The following IGF2R variants were observed in gnomAD, a reference collection of about 807,000 sequenced individuals.
IGF2R encodes the protein insulin like growth factor 2 receptor.
IGF2R carries 91 observed loss-of-function variants against 270.6 expected under a neutral mutation model. The observed-to-expected ratio is 0.34, with a 90% confidence interval of 0.28 to 0.40. IGF2R has a LOEUF of 0.40. IGF2R is among the 10% of genes least tolerant of loss of function. The probability of loss-of-function intolerance (pLI) is 1.00; values close to 1 mark genes in which losing one functional copy is unlikely to be tolerated. For synonymous variants in IGF2R, 1,316 were observed against 1,258.9 expected (o/e 1.05, Z -0.96); for missense variants, 2,805 against 3,188.3 (o/e 0.88, Z 2.90).
intron 19 of IGF2R, among the ~76,000 whole-genome samples, chr6:160,051,990 G>A (rs1057114115): frequency 2.0e-5 from 3 of 151,198 alleles, no homozygotes; most frequent in Admixed American, 6.6e-5. Flanking sequence ...TAGGAGGATT[G>A]TTTGAGCCCA....
chr6:160,065,814 G>GTGTGTGTGTGTATATGTATATATATA, intron 29 of IGF2R, among the ~76,000 whole-genome samples: 4 of 78,392 alleles, frequency 5.1e-5, no homozygotes, highest in Non-Finnish European at 9.3e-5. Context: ...GTGTGTGTGT[G>GTGTGTGTGTGTATATGTATATATATA]TATATATATA....
intron 31 of IGF2R, among the ~76,000 whole-genome samples, chr6:160,071,277 G>C (rs1170023979): frequency 7.3e-6 from 1 of 136,854 alleles, no homozygotes; most frequent in South Asian, 2.4e-4. Flanking sequence ...AGGCTGGGAG[G>C]GAAGGGTGGG....
At chr6:160,060,233 A>G (rs986362141) in intron 22 of IGF2R, among the ~76,000 whole-genome samples, 2 of 151,586 alleles carry the variant, frequency 1.3e-5, no homozygotes, top group Middle Eastern at 3.4e-3. Context: ...CTGTCATCAC[A>G]TAGGCCACCA....
intron 30 of IGF2R, among the ~76,000 whole-genome samples, chr6:160,068,623 C>G (rs1048982225): frequency 1.3e-5 from 2 of 151,756 alleles, no homozygotes; most frequent in African/African-American, 2.4e-5. Flanking sequence ...AAGGCTGGCA[C>G]TGGTGAGAGA....
intron 11 of IGF2R, 21 bp from the exon 12 acceptor site, chr6:160,043,127 T>TA: frequency 3.7e-6 from 6 of 1,612,964 alleles, no homozygotes; most frequent in Non-Finnish European, 5.1e-6. Flanking sequence ...TTGGCTAAAA[T>TA]ACACTTTTGT....
At chr6:160,018,635 G>A (rs1777359807) in intron 4 of IGF2R, among the ~76,000 whole-genome samples, 1 of 151,958 alleles carries the variant, frequency 6.6e-6, no homozygotes, top group Admixed American at 6.6e-5. Flanking sequence ...TCAGACCACA[G>A]TGGAATGAAA....
intron 35 of IGF2R, among the ~76,000 whole-genome samples, chr6:160,075,023 G>A (rs3777406): frequency 0.18 from 28,053 of 152,124 alleles, 2,631 homozygotes; most frequent in Middle Eastern, 0.21. Flanking sequence ...GTGGTGCCAC[G>A]TGGTCTGAAC....
intron 31 of IGF2R, 132 bp from the exon 32 acceptor site, chr6:160,071,778 C>A: frequency 8.2e-7 from 1 of 1,224,476 alleles, no homozygotes; most frequent in Non-Finnish European, 1.2e-6. Context: ...CGCCTCATCC[C>A]ACAGGCACAT....
Position 160,068,302 on chromosome 6 carries a change from A to G in IGF2R, c.4169A>G (p.Asn1390Ser). ...DLSSLSRYSD[N>S]WEAITGTGDP... ...TCGTCCCTGTCAAGGTACAGTGACA[A>G]CTGGGAAGCCATCACTGGGACGGGG... Residue 1390 changes from asparagine to serine, a missense_variant, in exon 30 of 48, where the codon AAC (asparagine) becomes AGC (serine). By Grantham distance (46) the Asn-to-Ser change is conservative. Around this residue, in one of 2 missense-constraint regions of IGF2R, gnomAD observed 1,851 missense variants for 2,207.2 expected, o/e 0.84. Transcript: ENST00000356956. The G allele has an allele frequency of 6.2e-7, 1 of 1,614,266 alleles. No individual in the cohort carries two copies. Among genetic ancestry groups the G allele is most frequent in the African/African-American group, 1.3e-5 (1 of 75,076 alleles).
At chr6:160,051,638 T>C (rs1438119539) in intron 19 of IGF2R, among the ~76,000 whole-genome samples, 1 of 152,084 alleles carries the variant, frequency 6.6e-6, no homozygotes, top group Admixed American at 6.5e-5. Context: ...GAGGGCTGTA[T>C]GTGTAATACA....
chr6:160,058,260 A>G (rs1429875943), intron 21 of IGF2R, 136 bp downstream of exon 21: 1 of 642,238 alleles, frequency 1.6e-6, no homozygotes, highest in Non-Finnish European at 2.8e-6. Flanking sequence ...AGGAGATGGG[A>G]AAATCCAGAT....
intron 15 of IGF2R, 131 bp from the exon 16 acceptor site, chr6:160,047,028 C>A: frequency 1.3e-6 from 1 of 781,762 alleles, no homozygotes. Flanking sequence ...TGTGTGGGTT[C>A]CTGTGGTCTG....
intron 1 of IGF2R, among the ~76,000 whole-genome samples, chr6:159,981,848 A>C: frequency 6.6e-6 from 1 of 152,272 alleles, no homozygotes; most frequent in Admixed American, 6.5e-5. Flanking sequence ...TGTTTGACTT[A>C]GGGCTTCCAG....
chr6:159,984,419 CCACTCACTCACT>C lies in IGF2R; in HGVS notation c.150-6764_150-6753del, dbSNP rs562198335. Reference sequence around the variant, plus strand: ...CCAGTCAGGTCCTAGGCCTTTAGGTCCACTCACTCACTGACTCACCCAGAGCCGCTTCCAGTC... The same window carrying C: ...CCAGTCAGGTCCTAGGCCTTTAGGTCGACTCACCCAGAGCCGCTTCCAGTC... On this transcript the variant is annotated intron_variant, in intron 1 of 47. Coordinates refer to ENST00000356956, the MANE Select transcript of IGF2R (RefSeq NM_000876.4). Among the ~76,000 whole-genome samples the C allele has an allele frequency of 1.7e-3, 256 of 152,302 alleles. 10 individuals are homozygous for C. In the South Asian group the frequency reaches 0.051, roughly 30 times the overall value.
At chr6:160,104,093 A>C (rs1012877561) in intron 47 of IGF2R, among the ~76,000 whole-genome samples, 4 of 151,790 alleles carry the variant, frequency 2.6e-5, no homozygotes, top group South Asian at 2.1e-4. Flanking sequence ...AAAAAAACAA[A>C]ACACACACAC....
chr6:160,015,920 A>T (rs9365122), intron 4 of IGF2R, among the ~76,000 whole-genome samples: 2 of 152,002 alleles, frequency 1.3e-5, no homozygotes, highest in Admixed American at 6.5e-5. Context: ...TTTTGCTGTG[A>T]GATATGCTTG....
At chr6:160,026,080 A>G (rs1418654565) in intron 5 of IGF2R, among the ~76,000 whole-genome samples, 1 of 152,172 alleles carries the variant, frequency 6.6e-6, no homozygotes, top group Non-Finnish European at 1.5e-5. Context: ...CCTCTTGGAT[A>G]GTTTCGGACT....
At chr6:160,036,133 A>G (rs1298618974) in intron 10 of IGF2R, among the ~76,000 whole-genome samples, 1 of 152,156 alleles carries the variant, frequency 6.6e-6, no homozygotes, top group Non-Finnish European at 1.5e-5. Flanking sequence ...ATATCTGGAA[A>G]TCTGTGAAGT....
chr6:160,052,849 A>G (rs1335483262), intron 19 of IGF2R, among the ~76,000 whole-genome samples: 1 of 152,266 alleles, frequency 6.6e-6, no homozygotes, highest in Non-Finnish European at 1.5e-5. Context: ...TCCCTATTTA[A>G]TAAATGGTGC....
Sources: allele counts gnomAD v4.1 joint callset (sites outside exome capture counted in the v4.1 genomes callset), GRCh38; gene constraint gnomAD v4.1.1; regional missense constraint gnomAD v4.1.1; transcripts MANE v1.5; gene names NCBI Gene and HGNC (gene_info 2026-07-23, HGNC 2026-07-21).